The following CFH variants were observed in gnomAD, a reference collection of about 807,000 sequenced individuals.
CFH encodes complement factor H, also known as H factor 1 (complement).
Under a neutral mutation model 147.3 loss-of-function variants are expected in CFH, and 53 were observed. The ratio of observed to expected loss-of-function variants is 0.36; its 90% confidence interval spans 0.29 to 0.45. The LOEUF is 0.45. CFH is among the 20% of genes least tolerant of loss of function. The pLI, the probability that CFH is intolerant of heterozygous loss-of-function variation, is 1.00. For synonymous variants in CFH, 536 were observed against 489.4 expected (o/e 1.10, Z -1.26); for missense variants, 1,380 against 1,498.0 (o/e 0.92, Z 1.30).
At chr1:196,661,197 C>T (rs1005605180) in intron 1 of CFH, among the ~76,000 whole-genome samples, 1 of 151,994 alleles carries the variant, frequency 6.6e-6, no homozygotes, top group Non-Finnish European at 1.5e-5. Context: ...TATGAGTTCA[C>T]TAATACAAAT....
intron 1 of CFH, among the ~76,000 whole-genome samples, chr1:196,668,472 A>G (rs553107907): frequency 6.6e-6 from 1 of 152,170 alleles, no homozygotes; most frequent in East Asian, 1.9e-4. Context: ...TCTGTCTGTG[A>G]TATGGTTTGG....
chr1:196,726,697 A>AT, intron 13 of CFH, 45 bp downstream of exon 13: 1 of 1,605,568 alleles, frequency 6.2e-7, no homozygotes, highest in Non-Finnish European at 8.5e-7. Flanking sequence ...AAACTTTTGT[A>AT]TTTTGTATCT....
chr1:196,715,570 A>T (rs776702998), intron 10 of CFH, 23 bp from the exon 11 acceptor site: 3 of 1,564,154 alleles, frequency 1.9e-6, no homozygotes, highest in Non-Finnish European at 2.6e-6. Flanking sequence ...TAGAAATGAC[A>T]TTCTAAATTT....
chr1:196,736,794 A>G, intron 15 of CFH, 30 bp from the exon 16 acceptor site: 2 of 1,074,938 alleles, frequency 1.9e-6, no homozygotes, highest in Non-Finnish European at 2.4e-6. Flanking sequence ...TTTTTATTAT[A>G]ACATTAATTA....
intron 7 of CFH, among the ~76,000 whole-genome samples, chr1:196,685,443 T>C (rs1667793714): frequency 6.6e-6 from 1 of 152,122 alleles, no homozygotes; most frequent in Non-Finnish European, 1.5e-5. Context: ...TATGAATGTA[T>C]GTTTCCCTAA....
At chr1:196,656,141 T>TA (rs1666677148) in intron 1 of CFH, among the ~76,000 whole-genome samples, 1 of 151,828 alleles carries the variant, frequency 6.6e-6, no homozygotes, top group Admixed American at 6.6e-5. Flanking sequence ...CCATCTCTAC[T>TA]AAAAATACAA....
Position 196,672,972 on chromosome 1 carries a change from T to G in CFH, c.59-6T>G. ...TATGCACTTATTTTGTTTTTATTGT[T>G]TGTAGATTGCAATGAACTTCCTCCA... On this transcript the variant is annotated splice_region_variant and splice_polypyrimidine_tract_variant and intron_variant, in intron 1 of 21. Coordinates refer to ENST00000367429, the MANE Select transcript of CFH (RefSeq NM_000186.4). 6.2e-7 allele frequency: 1 copy of G among 1,612,870 alleles called. No individual in the cohort carries two copies. Among genetic ancestry groups the G allele is most frequent in the Non-Finnish European group, 8.5e-7 (1 of 1,179,008 alleles).
At chr1:196,685,796 A>G (rs933730834) in intron 7 of CFH, among the ~76,000 whole-genome samples, 10 of 152,086 alleles carry the variant, frequency 6.6e-5, no homozygotes, top group South Asian at 4.1e-4. Flanking sequence ...AGGCCTTTCC[A>G]TGAGTTGATA....
chr1:196,727,576 A>G (rs1397780491), intron 14 of CFH, among the ~76,000 whole-genome samples: 1 of 152,156 alleles, frequency 6.6e-6, no homozygotes, highest in Non-Finnish European at 1.5e-5. Context: ...AGTTTTATAT[A>G]AAATATAAAT....
At chr1:196,652,282 T>C (rs1572989223) in intron 1 of CFH, 107 bp downstream of exon 1, 3 of 835,534 alleles carry the variant, frequency 3.6e-6, no homozygotes, top group Middle Eastern at 3.4e-4. Flanking sequence ...TGCTTAAGTA[T>C]TCTGTAACTT....
intron 1 of CFH, among the ~76,000 whole-genome samples, chr1:196,669,473 T>G (rs1189631008): frequency 6.6e-6 from 1 of 152,182 alleles, no homozygotes; most frequent in Non-Finnish European, 1.5e-5. Context: ...CACTGCTGTA[T>G]GCAGTCTCAG....
chr1:196,731,360 A>G (rs1450213211), intron 15 of CFH, among the ~76,000 whole-genome samples: 1 of 151,910 alleles, frequency 6.6e-6, no homozygotes, highest in African/African-American at 2.4e-5. Flanking sequence ...GCTGATAGGA[A>G]CTGAATTTTG....
chr1:196,738,187 C>T (rs1166952336), intron 17 of CFH, among the ~76,000 whole-genome samples: 1 of 152,144 alleles, frequency 6.6e-6, no homozygotes, highest in Non-Finnish European at 1.5e-5. Context: ...TACTGAGTCC[C>T]TCCCACAAAA....
intron 9 of CFH, among the ~76,000 whole-genome samples, chr1:196,693,955 G>GGTGTCTGT (rs1668157259): frequency 7.0e-6 from 1 of 142,656 alleles, no homozygotes; most frequent in Non-Finnish European, 1.5e-5. Context: ...TTAGATAAAT[G>GGTGTCTGT]GTGTGTGTGT....
At chr1:196,703,187 G>C (rs1668503500) in intron 9 of CFH, among the ~76,000 whole-genome samples, 2 of 152,158 alleles carry the variant, frequency 1.3e-5, no homozygotes, top group Admixed American at 1.3e-4. Flanking sequence ...GACCCTAGTA[G>C]TCCCTGGACC....
chr1:196,728,990 CTATT>C (rs1387687913), intron 15 of CFH, among the ~76,000 whole-genome samples: 12 of 152,160 alleles, frequency 7.9e-5, no homozygotes, highest in Admixed American at 4.6e-4. Flanking sequence ...ACCTAATCAT[CTATT>C]TATCTATTAA....
chr1:196,673,828 C>T (rs1667365827), intron 2 of CFH, 29 bp from the exon 3 acceptor site: 1 of 1,364,908 alleles, frequency 7.3e-7, no homozygotes, highest in Non-Finnish European at 1.0e-6. Flanking sequence ...CTATTACATA[C>T]TAATTCATAA....
chr1:196,716,623 G>A (rs1277148865), intron 11 of CFH, among the ~76,000 whole-genome samples: 2 of 152,036 alleles, frequency 1.3e-5, no homozygotes, highest in Admixed American at 1.3e-4. Flanking sequence ...GATAGGGGAG[G>A]TGCAGAGCAG....
At chr1:196,674,321 T>C (rs1306579379) in intron 3 of CFH, among the ~76,000 whole-genome samples, 2 of 152,170 alleles carry the variant, frequency 1.3e-5, no homozygotes, top group African/African-American at 2.4e-5. Flanking sequence ...CAATTTATAT[T>C]GTATGGTAAC....
Sources: allele counts gnomAD v4.1 joint callset (sites outside exome capture counted in the v4.1 genomes callset), GRCh38; gene constraint gnomAD v4.1.1; transcripts MANE v1.5; gene names NCBI Gene and HGNC (gene_info 2026-07-23, HGNC 2026-07-21).